The following IL1RAPL1 variants were observed in gnomAD, a reference collection of about 807,000 sequenced individuals.
The protein encoded by IL1RAPL1 is interleukin 1 receptor accessory protein like 1, also known as interleukin-1 receptor accessory protein-like 1.
Under a neutral mutation model 48.4 loss-of-function variants are expected in IL1RAPL1, and 3 were observed. The ratio of observed to expected loss-of-function variants is 0.06; its 90% CI spans 0.03 to 0.16. The LOEUF is 0.16. Ranked by LOEUF, IL1RAPL1 falls within the 10% of genes least tolerant of loss-of-function variation. The probability of loss-of-function intolerance (pLI) is 1.00; values close to 1 mark genes in which losing one functional copy is unlikely to be tolerated. For missense variants in IL1RAPL1, 349 were observed against 530.6 expected, an observed-to-expected ratio of 0.66 and a Z score of 3.36; for synonymous variants, 185 against 187.7, an observed-to-expected ratio of 0.99 and a Z score of 0.12.
intron 2 of IL1RAPL1, among the ~76,000 whole-genome samples, chrX:29,013,847 T>C (rs1401937433): frequency 3.6e-5 from 4 of 110,254 alleles, no homozygotes; most frequent in Non-Finnish European, 7.6e-5. Flanking sequence ...CTGCACATCC[T>C]GCACATGTAC....
At chrX:28,830,491 T>C (rs1921016995) in intron 2 of IL1RAPL1, among the ~76,000 whole-genome samples, 1 of 112,013 alleles carries the variant, frequency 8.9e-6, no homozygotes, top group Admixed American at 9.5e-5. Context: ...TAAATTTGCT[T>C]CCTTTATTTA....
At chrX:28,600,985 A>G (rs750947236) in intron 1 of IL1RAPL1, among the ~76,000 whole-genome samples, 10 of 112,142 alleles carry the variant, frequency 8.9e-5, no homozygotes, top group African/African-American at 2.9e-4. Context: ...TATCCTATAA[A>G]GATTTTCAAT....
chrX:29,100,142 G>A (rs1254221379), intron 2 of IL1RAPL1, among the ~76,000 whole-genome samples: 2 of 111,450 alleles, frequency 1.8e-5, no homozygotes, highest in Admixed American at 9.6e-5. Flanking sequence ...AACCCGGGAG[G>A]TGGAGGTTGC....
At chrX:29,563,178 A>G (rs1478014221) in intron 5 of IL1RAPL1, among the ~76,000 whole-genome samples, 1 of 106,388 alleles carries the variant, frequency 9.4e-6, no homozygotes, top group Admixed American at 9.8e-5. Flanking sequence ...AGATAGTTAA[A>G]TTATTATGCT....
At chrX:29,385,175 A>G (rs1744264358) in intron 3 of IL1RAPL1, among the ~76,000 whole-genome samples, 1 of 112,173 alleles carries the variant, frequency 8.9e-6, no homozygotes, top group African/African-American at 3.2e-5. Context: ...TTATTTACCC[A>G]TGGGCGCAGT....
chrX:28,990,548 G>A (rs941562592), intron 2 of IL1RAPL1, among the ~76,000 whole-genome samples: 1 of 111,455 alleles, frequency 9.0e-6, no homozygotes, highest in South Asian at 3.8e-4. Context: ...GTTTTTTCCT[G>A]TTGCTCACTT....
rs1031899635 is a variant in IL1RAPL1 at position 28,821,739 on chromosome X, G to A, written c.82+32314G>A. On this transcript the variant is annotated intron_variant, in intron 2 of 10. Transcript: ENST00000378993. ...TGGGTTGTGCATGTAAAGATAATGC[G>A]TACCACGGTGTAAGGGCCAGAAATT... Among the ~76,000 whole-genome samples, 5 of 111,190 alleles carry A rather than the reference G, an allele frequency of 4.5e-5. No homozygotes were observed. The South Asian group carries it at 1.1e-3, about 25-fold the overall frequency.
intron 2 of IL1RAPL1, among the ~76,000 whole-genome samples, chrX:29,239,712 AT>A (rs60139378): frequency 1.5e-3 from 157 of 101,863 alleles, no homozygotes; most frequent in Admixed American, 2.6e-3. Flanking sequence ...ACATTGTGAG[AT>A]TTTTTTTTTT....
chrX:29,736,943 C>T (rs1007423466), intron 6 of IL1RAPL1, among the ~76,000 whole-genome samples: 2 of 111,243 alleles, frequency 1.8e-5, no homozygotes, highest in Non-Finnish European at 3.8e-5. Context: ...CTAAGATGGG[C>T]CCGGGTAAGC....
At chrX:29,357,855 G>A (rs886085670) in intron 3 of IL1RAPL1, among the ~76,000 whole-genome samples, 4 of 111,958 alleles carry the variant, frequency 3.6e-5, no homozygotes, top group African/African-American at 1.3e-4. Context: ...CGGGGAAAAC[G>A]ATGTCATTTT....
intron 5 of IL1RAPL1, among the ~76,000 whole-genome samples, chrX:29,532,242 A>G (rs1000473580): frequency 4.7e-4 from 53 of 112,031 alleles, no homozygotes; most frequent in Non-Finnish European, 3.6e-4. Context: ...TCTCTCTGAC[A>G]AGGATATGAC....
chrX:29,532,419 C>T (rs1267513685), intron 5 of IL1RAPL1, among the ~76,000 whole-genome samples: 1 of 111,910 alleles, frequency 8.9e-6, no homozygotes, highest in African/African-American at 3.2e-5. Flanking sequence ...TTAGGTTGTT[C>T]CCTTGCCTCC....
chrX:28,749,705 C>T (rs1569164369), intron 1 of IL1RAPL1, among the ~76,000 whole-genome samples: 1 of 110,916 alleles, frequency 9.0e-6, no homozygotes, highest in Non-Finnish European at 1.9e-5. Context: ...TGTAGGTTGT[C>T]TCTTCACTCT....
chrX:29,483,508 A>G (rs1271669421), intron 5 of IL1RAPL1, among the ~76,000 whole-genome samples: 1 of 111,656 alleles, frequency 9.0e-6, no homozygotes, highest in East Asian at 2.8e-4. Flanking sequence ...TTACAGTAGT[A>G]TATTCGGCAC....
chrX:29,212,371 C>T (rs1256548257), intron 2 of IL1RAPL1, among the ~76,000 whole-genome samples: 1 of 111,284 alleles, frequency 9.0e-6, no homozygotes, highest in Non-Finnish European at 1.9e-5. Context: ...TGCAGTGGCA[C>T]GATCTCAGCT....
intron 6 of IL1RAPL1, among the ~76,000 whole-genome samples, chrX:29,853,123 G>T (rs190007763): frequency 5.2e-4 from 56 of 107,929 alleles, no homozygotes; most frequent in African/African-American, 1.8e-3. Context: ...GAAAATAATG[G>T]GATGGACCCT....
chrX:28,893,700 C>T (rs1922832531), intron 2 of IL1RAPL1, among the ~76,000 whole-genome samples: 1 of 111,373 alleles, frequency 9.0e-6, no homozygotes, highest in South Asian at 3.8e-4. Context: ...AAGTTACTTC[C>T]TTGAGGATAG....
chrX:29,574,816 G>C (rs1389110065), intron 5 of IL1RAPL1, among the ~76,000 whole-genome samples: 1 of 111,668 alleles, frequency 9.0e-6, no homozygotes, highest in African/African-American at 3.3e-5. Context: ...ATGCTTTGCT[G>C]CTTAGAAATT....
intron 5 of IL1RAPL1, among the ~76,000 whole-genome samples, chrX:29,418,061 A>G (rs769149228): frequency 9.9e-6 from 1 of 100,770 alleles, no homozygotes; most frequent in East Asian, 3.1e-4. Context: ...TGAGAGAAGC[A>G]CAGAGAAACG....
Sources: gnomAD v4.1 joint callset for allele counts (sites outside exome capture counted in the v4.1 genomes callset) on GRCh38, gnomAD v4.1.1 for gene constraint, MANE v1.5 for transcripts, NCBI Gene and HGNC (gene_info 2026-07-23, HGNC 2026-07-21) for gene names.